ALMS1: variants seen among roughly 807,000 people sequenced by gnomAD.
The protein encoded by ALMS1 is ALMS1 centrosome and basal body associated protein.
A neutral mutation model predicts 352.2 loss-of-function variants in ALMS1; 271 were observed. The observed-to-expected ratio is 0.77, with a 90% CI of 0.70 to 0.85. The LOEUF (loss-of-function observed/expected upper bound fraction) is 0.85, where lower values mean the gene tolerates loss of function less well. Among genes scored for constraint, ALMS1 ranks in the 40% least tolerant of loss-of-function variants. The probability of loss-of-function intolerance (pLI) is 0.00; values close to 1 mark genes in which losing one functional copy is unlikely to be tolerated. For missense variants in ALMS1, 5,445 were observed against 4,870.7 expected, an observed-to-expected ratio of 1.12 and a Z score of -3.51; for synonymous variants, 1,865 against 1,761.2, an observed-to-expected ratio of 1.06 and a Z score of -1.48.
At chr2:73,599,657 T>A in intron 17 of ALMS1, 136 bp downstream of exon 17, 1 of 1,112,886 alleles carries the variant, frequency 9.0e-7, no homozygotes. Flanking sequence ...TCTTGTCAGA[T>A]TGGCATAAAT....
intron 9 of ALMS1, among the ~76,000 whole-genome samples, chr2:73,465,129 A>G (rs1431780221): frequency 2.0e-5 from 3 of 149,272 alleles, no homozygotes; most frequent in Non-Finnish European, 2.9e-5. Context: ...CAGAATTGGA[A>G]GAAACTACTT....
At chr2:73,393,102 C>G (rs556430118) in intron 1 of ALMS1, among the ~76,000 whole-genome samples, 1 of 152,244 alleles carries the variant, frequency 6.6e-6, no homozygotes, top group South Asian at 2.1e-4. Flanking sequence ...AATATCTATT[C>G]AGGTCAAACT....
chr2:73,414,909 GT>G (rs1418745397), intron 2 of ALMS1, among the ~76,000 whole-genome samples: 1 of 152,068 alleles, frequency 6.6e-6, no homozygotes, highest in Non-Finnish European at 1.5e-5. Context: ...AACATGCATA[GT>G]TAGCCACAAA....
At position 73,579,079 on chromosome 2, in the gene ALMS1, T is replaced by A. The variant is rs545298648; in HGVS notation, c.11547+5655T>A. The stretch of plus-strand genomic sequence containing the variant: ...TCCTTTATTCTTTTTTTATTTATTT[T>A]TTTTTTTGAGACGGAGTCGTCCTGG... On this transcript the variant is annotated intron_variant, in intron 16 of 22. Coordinates refer to ENST00000613296, the MANE Select transcript of ALMS1 (RefSeq NM_001378454.1). 7.3e-4 allele frequency among the ~76,000 whole-genome samples: 106 copies of A among 144,536 alleles called. 1 individual carries two copies. The highest frequency in any genetic ancestry group is 3.4e-3 in the Middle Eastern group (1 of 290). The allele number at this position is 144,536 out of a possible 152,430, so 94.8% of individuals were successfully genotyped here. A position where few individuals can be genotyped will look rare whatever the true frequency, so the allele number is the denominator to read the frequency against.
rs747436819 is a variant in ALMS1 at position 73,568,995 on chromosome 2, C to CTTTTTTTTTTTTTTT, written c.10385-3244_10385-3230dup. On this transcript the variant is annotated intron_variant, in intron 15 of 22. Transcript: ENST00000613296. Reference sequence around the variant, plus strand: ...AGCTTGCTTGCTGCTGCTTCTGCTTCTTTTTTTTTTTTTTTTTTTTTTTTT... The same window carrying CTTTTTTTTTTTTTTT: ...AGCTTGCTTGCTGCTGCTTCTGCTTCTTTTTTTTTTTTTTTTTTTTTTTTTTTTTTTTTTTTTTTT... 3.0e-4 allele frequency among the ~76,000 whole-genome samples: 16 copies of CTTTTTTTTTTTTTTT among 53,556 alleles called. 5 individuals are homozygous for CTTTTTTTTTTTTTTT. The highest frequency in any genetic ancestry group is 1.4e-3 in the South Asian group (2 of 1,432). The allele number at this position is 53,556 out of a possible 152,430, so 35.1% of individuals were successfully genotyped here. A position where few individuals can be genotyped will look rare whatever the true frequency, so the allele number is the denominator to read the frequency against.
chr2:73,458,985 C>T (rs1304704740), intron 9 of ALMS1: 5 of 152,160 alleles, frequency 3.3e-5, no homozygotes, highest in African/African-American at 1.2e-4. Context: ...TTGTCACATA[C>T]AGCTTTTGAA....
At chr2:73,528,247 T>C (rs557811875) in intron 11 of ALMS1, among the ~76,000 whole-genome samples, 67 of 152,280 alleles carry the variant, frequency 4.4e-4, no homozygotes, top group African/African-American at 1.6e-3. Context: ...GTTCTGTAAA[T>C]ATCTATTAGG....
In ALMS1 at chr2:73,424,538, T is replaced by G. The variant is rs747529881; in HGVS notation, c.873T>G (p.Ser291Arg). The change falls in exon 5 of 23, where the codon AGT becomes AGG. Residue 291 changes from serine (S) to arginine (R), a missense_variant. By Grantham distance (110) the Ser-to-Arg change is moderately radical. Coordinates refer to ENST00000613296, the MANE Select transcript of ALMS1 (RefSeq NM_001378454.1). ...TAEVASDLAS[S>R]RFSVSQHPLI... ...AAGTAGCTTCAGACTTAGCAAGCAG[T>G]CGCTTTAGTGTATCTCAGCACCCGC... 9 of 1,612,224 alleles carry G rather than the reference T, an allele frequency of 5.6e-6. No individual in the cohort carries two copies. Among genetic ancestry groups the G allele is most frequent in the Admixed American group, 1.7e-5 (1 of 59,788 alleles).
chr2:73,484,924 A>G (rs1187913683), intron 9 of ALMS1, among the ~76,000 whole-genome samples: 1 of 152,156 alleles, frequency 6.6e-6, no homozygotes, highest in Non-Finnish European at 1.5e-5. Context: ...TTTCAGCTCC[A>G]TCAGCTCCTT....
intron 11 of ALMS1, among the ~76,000 whole-genome samples, chr2:73,533,987 C>A (rs1055506633): frequency 6.6e-6 from 1 of 152,012 alleles, no homozygotes; most frequent in African/African-American, 2.4e-5. Context: ...TCACAGAATT[C>A]TTTATAATTG....
intron 21 of ALMS1, among the ~76,000 whole-genome samples, chr2:73,606,427 C>T (rs984724224): frequency 6.6e-6 from 1 of 152,180 alleles, no homozygotes; most frequent in Non-Finnish European, 1.5e-5. Flanking sequence ...CTAATACTCT[C>T]ACCTCAGCAA....
At chr2:73,415,760 G>A (rs774725418) in intron 2 of ALMS1, among the ~76,000 whole-genome samples, 1 of 152,164 alleles carries the variant, frequency 6.6e-6, no homozygotes, top group Non-Finnish European at 1.5e-5. Flanking sequence ...TTGGATTCAT[G>A]CAAGGAGACG....
chr2:73,604,493 G>A (rs775099932), intron 21 of ALMS1, among the ~76,000 whole-genome samples: 1 of 152,144 alleles, frequency 6.6e-6, no homozygotes, highest in Non-Finnish European at 1.5e-5. Context: ...ACTTTTTTAG[G>A]CATTCATTGG....
At chr2:73,395,776 G>A (rs1013264689) in intron 1 of ALMS1, among the ~76,000 whole-genome samples, 1 of 151,958 alleles carries the variant, frequency 6.6e-6, no homozygotes, top group African/African-American at 2.4e-5. Context: ...TGCCTTTTAT[G>A]TATTTATTTA....
chr2:73,394,469 A>C (rs1417332181), intron 1 of ALMS1, among the ~76,000 whole-genome samples: 1 of 152,108 alleles, frequency 6.6e-6, no homozygotes, highest in Non-Finnish European at 1.5e-5. Flanking sequence ...CTCCTGCCTC[A>C]GCCTCCAGTA....
intron 2 of ALMS1, among the ~76,000 whole-genome samples, chr2:73,412,150 AC>A (rs1486179338): frequency 6.6e-6 from 1 of 152,208 alleles, no homozygotes; most frequent in Non-Finnish European, 1.5e-5. Flanking sequence ...GCTTTGACAT[AC>A]GTATACAGTC....
At chr2:73,485,288 C>T (rs890329253) in intron 9 of ALMS1, among the ~76,000 whole-genome samples, 4 of 152,150 alleles carry the variant, frequency 2.6e-5, no homozygotes, top group African/African-American at 9.7e-5. Context: ...AATTTTCCTT[C>T]TAACAGACAG....
intron 6 of ALMS1, among the ~76,000 whole-genome samples, chr2:73,427,805 TG>T (rs1671411961): frequency 6.6e-6 from 1 of 152,170 alleles, no homozygotes; most frequent in Non-Finnish European, 1.5e-5. Flanking sequence ...AGTCCCAAGG[TG>T]GGCCCTACTT....
intron 14 of ALMS1, among the ~76,000 whole-genome samples, 179 bp from the exon 15 acceptor site, chr2:73,558,793 C>A (rs915988780): frequency 1.3e-5 from 2 of 152,134 alleles, no homozygotes; most frequent in Non-Finnish European, 2.9e-5. Flanking sequence ...TACAGTATAT[C>A]TGTTTACGTA....
Sources: gnomAD v4.1 joint callset for allele counts (sites outside exome capture counted in the v4.1 genomes callset) on GRCh38, gnomAD v4.1.1 for gene constraint, MANE v1.5 for transcripts, NCBI Gene and HGNC (gene_info 2026-07-23, HGNC 2026-07-21) for gene names.